Variants in CFAP46 observed in about 807,000 individuals in gnomAD.
CFAP46 encodes the protein cilia- and flagella-associated protein 46.
A neutral mutation model predicts 325.7 loss-of-function variants in CFAP46; 245 were observed. The observed-to-expected ratio is 0.75, with a 90% confidence interval of 0.68 to 0.84. The LOEUF (loss-of-function observed/expected upper bound fraction) is 0.84. Ranked by LOEUF, CFAP46 falls within the 40% of genes least tolerant of loss-of-function variation. The pLI, the probability that CFAP46 is intolerant of heterozygous loss-of-function variation, is 0.00. For synonymous variants in CFAP46, 1,523 were observed against 1,495.9 expected, an observed-to-expected ratio of 1.02 and a Z score of -0.42; for missense variants, 3,346 against 3,543.0, an observed-to-expected ratio of 0.94 and a Z score of 1.41.
Position 132,937,608 on chromosome 10 carries a change from C to G in CFAP46, c.604G>C (p.Ala202Pro). The G allele has an allele frequency of 6.2e-7, 1 of 1,613,616 alleles. No homozygotes were observed. The highest frequency in any genetic ancestry group is 8.5e-7 in the Non-Finnish European group (1 of 1,179,966). The change falls in exon 6 of 58, where the codon GCT becomes CCT. Residue 202 changes from alanine (A) to proline (P), a missense_variant. Coordinates refer to ENST00000368586, the MANE Select transcript of CFAP46 (RefSeq NM_001200049.3). ...GGCACGTGAGACTTAATGAACGGAGCTGCCGTGGAGCAGAACCTGGCAGCC... is the reference window on the plus strand; with the variant it reads ...GGCACGTGAGACTTAATGAACGGAGGTGCCGTGGAGCAGAACCTGGCAGCC... ...EEAARFCSTA[A>P]PFIKSHVPQK...
Position 132,827,039 on chromosome 10 carries a change from T to C in CFAP46, c.7117+6319A>G, listed in dbSNP as rs944800150. Among the ~76,000 whole-genome samples the C allele has an allele frequency of 6.6e-6, 1 of 152,082 alleles. No homozygotes were observed. Among genetic ancestry groups the C allele is most frequent in the Non-Finnish European group, 1.5e-5 (1 of 68,022 alleles). ...GTGCACTTCACTATCAAAAACGGTT[T>C]CCGACACCTCCATGAGCCTCGTGTC... On this transcript the variant is annotated intron_variant, in intron 50 of 57. Transcript: ENST00000368586. This position sits in a 1 kb window ranked among gnomAD's most constrained non-coding sequence, Gnocchi z 5.7.
chr10:132,908,080 A>G (rs917000398), intron 22 of CFAP46, among the ~76,000 whole-genome samples: 6 of 152,348 alleles, frequency 3.9e-5, no homozygotes, highest in African/African-American at 1.4e-4. Context: ...GCTGAGGCCC[A>G]CGTGACTTCA....
intron 44 of CFAP46, among the ~76,000 whole-genome samples, chr10:132,837,374 GAC>G (rs1273442569): frequency 1.3e-5 from 2 of 152,056 alleles, no homozygotes; most frequent in Admixed American, 6.5e-5. Flanking sequence ...GACAGGCACG[GAC>G]ACACACAGAT....
chr10:132,834,856 A>G, intron 47 of CFAP46, 81 bp from the exon 48 acceptor site: 1 of 1,502,678 alleles, frequency 6.7e-7, no homozygotes, highest in Non-Finnish European at 8.9e-7. Context: ...CCCTGCAGAA[A>G]GGCCGAGCTC....
chr10:132,909,851 C>T, intron 20 of CFAP46, 68 bp downstream of exon 20: 1 of 1,344,426 alleles, frequency 7.4e-7, no homozygotes, highest in Non-Finnish European at 9.5e-7. Flanking sequence ...CCCACCACCC[C>T]CGGCTGTCTC....
intron 9 of CFAP46, among the ~76,000 whole-genome samples, chr10:132,927,098 C>T (rs576281608): frequency 6.6e-6 from 1 of 152,208 alleles, no homozygotes; most frequent in Non-Finnish European, 1.5e-5. Flanking sequence ...TCCCAGGCCT[C>T]GGTGGCCTTA....
intron 39 of CFAP46, among the ~76,000 whole-genome samples, chr10:132,855,861 C>G (rs974946971): frequency 6.6e-6 from 1 of 152,304 alleles, no homozygotes. Context: ...AGCCAATTAT[C>G]TTTTAGAGTG....
intron 39 of CFAP46, among the ~76,000 whole-genome samples, chr10:132,855,132 CTG>C (rs1848621892): frequency 6.7e-6 from 1 of 149,080 alleles, no homozygotes; most frequent in South Asian, 2.2e-4. Context: ...TGAAATCTGA[CTG>C]TAATTGTAGA....
intron 6 of CFAP46, 172 bp downstream of exon 6, chr10:132,937,380 A>G (rs1444605256): frequency 5.4e-6 from 4 of 736,018 alleles, no homozygotes; most frequent in Admixed American, 2.9e-5. Context: ...ACATCTTTGC[A>G]TTGGATGAAC....
chr10:132,885,939 G>C lies in CFAP46; in HGVS notation c.3325C>G (p.Leu1109Val). ...AGCAGGCCGTAGAGCGCAGCACGGA[G>C]CGCCAGGTCGTCCTCAGCCCCTGGG... is the stretch of plus-strand genomic sequence containing the variant. The part of the protein sequence containing the change: ...FLPGAEDDLA[L>V]RAALYGLLFH... The change falls in exon 26 of 58, where the codon CTC (leucine) becomes GTC (valine). Residue 1109 changes from leucine (L) to valine (V), a missense_variant. Physicochemically the swap from Leu to Val is conservative, Grantham distance 32. Coordinates refer to ENST00000368586, the MANE Select transcript of CFAP46 (RefSeq NM_001200049.3). 1 of 1,550,120 alleles carries C rather than the reference G, an allele frequency of 6.5e-7. No individual in the cohort carries two copies. Among genetic ancestry groups the C allele is most frequent in the Non-Finnish European group, 8.7e-7 (1 of 1,146,750 alleles).
chr10:132,853,920 A>G (rs988638817), intron 39 of CFAP46, among the ~76,000 whole-genome samples: 2 of 152,226 alleles, frequency 1.3e-5, no homozygotes, highest in Non-Finnish European at 2.9e-5. Context: ...CCGTCTGACT[A>G]GAAGTTTTTC....
At chr10:132,916,411 G>A (rs78197928) in intron 17 of CFAP46, 138 bp downstream of exon 17, 43,639 of 939,208 alleles carry the variant, frequency 0.046, 1,239 homozygotes, top group Middle Eastern at 0.093. Flanking sequence ...TTTACGTGAC[G>A]ATGGACACGT....
chr10:132,914,031 CG>C lies in CFAP46; in HGVS notation c.2121-774del. On this transcript the variant is annotated intron_variant, in intron 17 of 57. Transcript: ENST00000368586. Reference sequence around the variant, plus strand: ...CCCTGCAAACCTCTGGCCCCCGCCCCGAGGCTGTGTCCAGCCACACTGCACC... The same window carrying C: ...CCCTGCAAACCTCTGGCCCCCGCCCCAGGCTGTGTCCAGCCACACTGCACC... 1.6e-5 allele frequency among the ~76,000 whole-genome samples: 2 copies of C among 124,608 alleles called. 1 individual carries two copies. Among genetic ancestry groups the C allele is most frequent in the South Asian group, 5.3e-4 (2 of 3,782 alleles). The allele number at this position is 124,608 out of a possible 152,430, so 81.7% of individuals were successfully genotyped here. A position where few individuals can be genotyped will look rare whatever the true frequency, so the allele number is the denominator to read the frequency against.
chr10:132,911,141 C>A (rs970000083), intron 19 of CFAP46, among the ~76,000 whole-genome samples: 1 of 152,234 alleles, frequency 6.6e-6, no homozygotes, highest in Non-Finnish European at 1.5e-5. Context: ...CCCTCCCCTC[C>A]GCAGCCTCCA....
Position 132,814,694 on chromosome 10 carries a change from T to A in CFAP46, c.7241A>T (p.Asn2414Ile). The change falls in exon 52 of 58, where the codon AAC becomes ATC. Residue 2414 changes from asparagine to isoleucine, a missense_variant. Physicochemically the swap from Asn to Ile is moderately radical, Grantham distance 149. Coordinates refer to ENST00000368586, the MANE Select transcript of CFAP46 (RefSeq NM_001200049.3). Reference protein sequence around the residue: ...PPDCIIVDSDNFKFVVDPYEE... With the variant: ...PPDCIIVDSDIFKFVVDPYEE... ...GGCCCATCAAAGGATACACTTGAAG[T>A]TGTCTGAGTCGACTATGATGCAGTC... 1 of 1,606,072 alleles carries A rather than the reference T, an allele frequency of 6.2e-7. No individual in the cohort carries two copies. Among genetic ancestry groups the A allele is most frequent in the Non-Finnish European group, 8.5e-7 (1 of 1,176,102 alleles).
chr10:132,918,497 C>G lies in CFAP46; in HGVS notation c.1882G>C (p.Gly628Arg). Residue 628 changes from glycine to arginine, a missense_variant, in exon 16 of 58, where the codon GGC becomes CGC. Physicochemically the swap from Gly to Arg is moderately radical, Grantham distance 125. Transcript: ENST00000368586. ...RRGKKKRGRD[G>R]SVQDTWSQPE... ...TGGCTCCAGGTGTCCTGCACCGAGCCGTCCCTACCTCGCTTCTTCTTCCCT... is the reference window on the plus strand; with the variant it reads ...TGGCTCCAGGTGTCCTGCACCGAGCGGTCCCTACCTCGCTTCTTCTTCCCT... 2 of 1,528,714 alleles carry G rather than the reference C, an allele frequency of 1.3e-6. No individual in the cohort carries two copies. Among genetic ancestry groups the G allele is most frequent in the Non-Finnish European group, 1.8e-6 (2 of 1,130,062 alleles). The allele number at this position is 1,528,714 out of a possible 1,614,324, so 94.7% of individuals were successfully genotyped here.
At chr10:132,917,332 A>G (rs944127187) in intron 16 of CFAP46, among the ~76,000 whole-genome samples, 4 of 152,186 alleles carry the variant, frequency 2.6e-5, no homozygotes, top group Non-Finnish European at 5.9e-5. Flanking sequence ...AAGTCACACA[A>G]TGTCACAAGG....
chr10:132,910,181 G>T, intron 19 of CFAP46, 113 bp from the exon 20 acceptor site: 1 of 1,117,224 alleles, frequency 9.0e-7, no homozygotes, highest in Non-Finnish European at 1.2e-6. Context: ...AGCCCGTGAA[G>T]GGCCTTAAAC....
chr10:132,810,007 C>T (rs1321503883), intron 57 of CFAP46, among the ~76,000 whole-genome samples: 1 of 152,162 alleles, frequency 6.6e-6, no homozygotes, highest in Non-Finnish European at 1.5e-5. Flanking sequence ...GCTGTCGGCC[C>T]CCTAGGAGTC....
Sources: allele counts gnomAD v4.1 joint callset (sites outside exome capture counted in the v4.1 genomes callset), GRCh38; gene constraint gnomAD v4.1.1; non-coding constraint Gnocchi (gnomAD v3.1); transcripts MANE v1.5; gene names NCBI Gene and HGNC (gene_info 2026-07-23, HGNC 2026-07-21).